Variants in THSD4 observed in about 807,000 individuals in gnomAD.
The protein encoded by THSD4 is thrombospondin type-1 domain-containing protein 4.
In THSD4, 69 loss-of-function variants were observed where a neutral mutation model predicts 119.0. The observed-to-expected ratio is 0.58, with a 90% CI of 0.48 to 0.71. THSD4 has a LOEUF of 0.71. Ranked by LOEUF, THSD4 falls within the 30% of genes least tolerant of loss-of-function variation. The probability of loss-of-function intolerance (pLI) is 0.00; values close to 1 mark genes in which losing one functional copy is unlikely to be tolerated. For missense variants in THSD4, 1,393 were observed against 1,391.1 expected (o/e 1.00, Z -0.02); for synonymous variants, 524 against 540.4 (o/e 0.97, Z 0.42).
At chr15:71,297,358 C>T (rs896504700) in intron 6 of THSD4, among the ~76,000 whole-genome samples, 16 of 106,868 alleles carry the variant, frequency 1.5e-4, no homozygotes, top group African/African-American at 3.4e-4. Context: ...GTTTCTGAGA[C>T]GGAATCTCGC....
intron 6 of THSD4, among the ~76,000 whole-genome samples, chr15:71,321,450 C>T (rs1345695838): frequency 2.6e-5 from 4 of 152,152 alleles, no homozygotes; most frequent in Admixed American, 6.5e-5. Context: ...GCAGGAGAAT[C>T]GCTTGAACCT....
At chr15:71,288,574 A>G (rs564027002) in intron 6 of THSD4, among the ~76,000 whole-genome samples, 1 of 152,196 alleles carries the variant, frequency 6.6e-6, no homozygotes, top group East Asian at 1.9e-4. Flanking sequence ...GCTGGAAACC[A>G]AAGGGCAAGG....
At chr15:71,259,591 G>C (rs1201626934) in intron 6 of THSD4, among the ~76,000 whole-genome samples, 2 of 152,182 alleles carry the variant, frequency 1.3e-5, no homozygotes, top group African/African-American at 4.8e-5. Context: ...CAGCACAGTG[G>C]TTCTCAGCCC....
intron 1 of THSD4, among the ~76,000 whole-genome samples, chr15:71,098,876 A>G (rs1369892411): frequency 1.3e-5 from 2 of 152,218 alleles, no homozygotes; most frequent in East Asian, 3.8e-4. Flanking sequence ...TTTCCCAGGC[A>G]GAAAATATTG....
chr15:71,747,127 G>T, intron 13 of THSD4, 85 bp downstream of exon 13: 1 of 1,462,796 alleles, frequency 6.8e-7, no homozygotes, highest in South Asian at 1.3e-5. Context: ...ACCTGAGATG[G>T]GTAACCCTGA....
rs1403001889 is a variant in THSD4, at chr15:71,442,658, G to GTGTGTGTATGTA, written c.1152+30838_1152+30839insGTGTATGTATGT. ...TGTGTGTGTATATGTGTGTGTGTGT[G>GTGTGTGTATGTA]TGTATATATATATATATATATATAT... On this transcript the variant is annotated intron_variant, in intron 7 of 17. Transcript: ENST00000261862. Among the ~76,000 whole-genome samples the GTGTGTGTATGTA allele has an allele frequency of 1.4e-3, 44 of 31,320 alleles. 2 individuals carry two copies. The highest frequency in any genetic ancestry group is 3.6e-3 in the African/African-American group (36 of 10,090). 20.5% of individuals were successfully genotyped at this position (31,320 alleles called of 152,430 possible).
At chr15:71,565,902 A>T (rs1039655945) in intron 7 of THSD4, among the ~76,000 whole-genome samples, 9 of 152,310 alleles carry the variant, frequency 5.9e-5, no homozygotes, top group Admixed American at 5.9e-4. Context: ...ACAAAGTATG[A>T]TGATGGCAGA....
chr15:71,656,092 G>A (rs931613243), intron 7 of THSD4, among the ~76,000 whole-genome samples: 8 of 152,172 alleles, frequency 5.3e-5, no homozygotes, highest in Admixed American at 1.3e-4. Flanking sequence ...ATACAGCTGT[G>A]TTTTGGAGGA....
intron 7 of THSD4, among the ~76,000 whole-genome samples, chr15:71,453,070 G>C (rs574574934): frequency 1.3e-5 from 2 of 152,214 alleles, no homozygotes; most frequent in African/African-American, 4.8e-5. Context: ...GTGGCTATCT[G>C]CAAGCCAGAA....
At chr15:71,276,694 T>C (rs1351131207) in intron 6 of THSD4, among the ~76,000 whole-genome samples, 1 of 152,246 alleles carries the variant, frequency 6.6e-6, no homozygotes, top group African/African-American at 2.4e-5. Flanking sequence ...GCTTCATAAA[T>C]GTTTACAATA....
intron 7 of THSD4, among the ~76,000 whole-genome samples, chr15:71,451,452 C>T (rs1465417819): frequency 6.6e-6 from 1 of 152,064 alleles, no homozygotes; most frequent in Non-Finnish European, 1.5e-5. Context: ...TTGCAGGATC[C>T]GTCTTTAGGC....
At chr15:71,250,484 CT>C (rs1370328022) in intron 5 of THSD4, among the ~76,000 whole-genome samples, 1 of 152,084 alleles carries the variant, frequency 6.6e-6, no homozygotes, top group Non-Finnish European at 1.5e-5. Context: ...CCATGCTCAG[CT>C]TATTTTTATT....
intron 7 of THSD4, among the ~76,000 whole-genome samples, chr15:71,456,593 G>C (rs1036017891): frequency 7.2e-5 from 11 of 152,086 alleles, no homozygotes; most frequent in Non-Finnish European, 1.2e-4. Context: ...TTGGTGGGTG[G>C]CTGAGTCAGG....
At chr15:71,761,200 C>T (rs1595925851) in intron 15 of THSD4, among the ~76,000 whole-genome samples, 1 of 152,028 alleles carries the variant, frequency 6.6e-6, no homozygotes, top group East Asian at 1.9e-4. Context: ...CATTTTTTCC[C>T]CTCCAACATT....
At position 71,356,934 on chromosome 15, in the gene THSD4, C is replaced by T. The variant is rs1596362893; in HGVS notation, c.1016-54753C>T. On this transcript the variant is annotated intron_variant, in intron 6 of 17. Transcript: ENST00000261862. ...CAGCGCACAGGGTGATCACTGAGTC[C>T]AGCCCAAGGGGTAGCAGAGAGAGAC... 2.0e-5 allele frequency among the ~76,000 whole-genome samples: 3 copies of T among 152,192 alleles called. No homozygotes were observed. In the East Asian group the frequency reaches 5.8e-4, roughly 29 times the overall value.
intron 4 of THSD4, among the ~76,000 whole-genome samples, chr15:71,224,108 T>C (rs930658785): frequency 4.6e-5 from 7 of 152,090 alleles, no homozygotes; most frequent in African/African-American, 1.4e-4. Context: ...AAAGGAAAGA[T>C]TTTAGCAGAG....
intron 7 of THSD4, among the ~76,000 whole-genome samples, chr15:71,466,651 G>C (rs1366327607): frequency 6.6e-6 from 1 of 152,178 alleles, no homozygotes; most frequent in Non-Finnish European, 1.5e-5. Flanking sequence ...CTTTTGCCCA[G>C]ATTGTGGCAG....
chr15:71,398,878 A>G (rs1423506143), intron 6 of THSD4, among the ~76,000 whole-genome samples: 2 of 152,108 alleles, frequency 1.3e-5, no homozygotes, highest in African/African-American at 4.8e-5. Context: ...GAACAGAAAC[A>G]GAGGCAACTT....
chr15:71,442,674 A>ATGTG lies in THSD4; in HGVS notation c.1152+30852_1152+30853insGTGT, dbSNP rs1566985063. 1.7e-3 allele frequency among the ~76,000 whole-genome samples: 89 copies of ATGTG among 52,336 alleles called. 6 individuals are homozygous for ATGTG. Among genetic ancestry groups the ATGTG allele is most frequent in the African/African-American group, 5.8e-3 (77 of 13,180 alleles). 34.3% of individuals were successfully genotyped at this position (52,336 alleles called of 152,430 possible). On this transcript the variant is annotated intron_variant, in intron 7 of 17. Transcript: ENST00000261862. ...TGTGTGTGTGTGTATATATATATATATATATATATATATATATATATATAT... is the reference window on the plus strand; with the variant it reads ...TGTGTGTGTGTGTATATATATATATATGTGTATATATATATATATATATATATAT...
Sources: gnomAD v4.1 joint callset for allele counts (sites outside exome capture counted in the v4.1 genomes callset) on GRCh38, gnomAD v4.1.1 for gene constraint, MANE v1.5 for transcripts, NCBI Gene and HGNC (gene_info 2026-07-23, HGNC 2026-07-21) for gene names.